Variants in PRPH2 observed in about 807,000 individuals in gnomAD.
The protein encoded by PRPH2 is peripherin-2.
In PRPH2, 17 loss-of-function variants were observed where a neutral mutation model predicts 31.3. That is an observed-to-expected ratio of 0.54 (90% CI 0.37 to 0.81). The LOEUF (loss-of-function observed/expected upper bound fraction) is 0.81, where lower values mean the gene tolerates loss of function less well. PRPH2 is among the 40% of genes least tolerant of loss of function. The pLI is 0.00. For synonymous variants in PRPH2, 165 were observed against 184.4 expected, an observed-to-expected ratio of 0.89 and a Z score of 0.85; for missense variants, 430 against 439.7, an observed-to-expected ratio of 0.98 and a Z score of 0.20.
At chr6:42,719,059 CAGAGAG>C (rs1374933965) in intron 1 of PRPH2, among the ~76,000 whole-genome samples, 2 of 152,108 alleles carry the variant, frequency 1.3e-5, no homozygotes, top group Admixed American at 6.5e-5. Context: ...AAGACAGAGA[CAGAGAG>C]AAGCAAAATG....
At chr6:42,715,678 A>G (rs1761764127) in intron 1 of PRPH2, among the ~76,000 whole-genome samples, 1 of 152,204 alleles carries the variant, frequency 6.6e-6, no homozygotes, top group African/African-American at 2.4e-5. Context: ...TTCAAAAAAC[A>G]AAACAAAACA....
chr6:42,704,232 C>G, intron 2 of PRPH2, 133 bp downstream of exon 2: 1 of 1,215,222 alleles, frequency 8.2e-7, no homozygotes, highest in Non-Finnish European at 1.2e-6. Flanking sequence ...CCAGACTGAT[C>G]TGACCCACAG....
At chr6:42,698,600 CAG>C in intron 2 of PRPH2, 93 bp from the exon 3 acceptor site, 2 of 1,545,370 alleles carry the variant, frequency 1.3e-6, no homozygotes, top group Non-Finnish European at 1.8e-6. Context: ...TTGAGGGTCC[CAG>C]AGAGGACTCA....
In PRPH2 at chr6:42,697,957, T is replaced by G. The variant is rs939358214; in HGVS notation, c.*338A>C. ...AGCCCTCAGATACGGCCAGTGGCCA[T>G]AGGGTGGGACTAAATCCGTGTGAGA... On this transcript the variant is annotated 3_prime_UTR_variant, in exon 3 of 3. Transcript: ENST00000230381. 6.3e-6 allele frequency: 2 copies of G among 318,762 alleles called. No individual in the cohort carries two copies. Among genetic ancestry groups the G allele is most frequent in the African/African-American group, 2.1e-5 (1 of 47,482 alleles). The allele number at this position is 318,762 out of a possible 1,614,324, so 19.7% of individuals were successfully genotyped here.
intron 1 of PRPH2, among the ~76,000 whole-genome samples, chr6:42,707,735 T>C (rs1356273827): frequency 2.6e-5 from 4 of 152,170 alleles, no homozygotes; most frequent in African/African-American, 4.8e-5. Flanking sequence ...TAAGACTTTC[T>C]AGAAGGGCTG....
chr6:42,704,532 G>C lies in PRPH2; in HGVS notation c.661C>G (p.Pro221Ala). The change falls in exon 2 of 3, where the codon CCC becomes GCC. Residue 221 changes from proline to alanine, a missense_variant. Coordinates refer to ENST00000230381, the MANE Select transcript of PRPH2 (RefSeq NM_000322.5). ...FSCCNPSSPRPCIQYQITNNS... is the reference protein window; with the variant it reads ...FSCCNPSSPRACIQYQITNNS... ...TTGGTGATCTGATACTGGATGCAGG[G>C]CCGTGGCGAGCTAGGATTGCAGCAG... 1 of 1,614,204 alleles carries C rather than the reference G, an allele frequency of 6.2e-7. No homozygotes were observed. The highest frequency in any genetic ancestry group is 1.1e-5 in the South Asian group (1 of 91,080).
intron 1 of PRPH2, among the ~76,000 whole-genome samples, chr6:42,706,148 G>C (rs1800159756): frequency 6.6e-6 from 1 of 151,824 alleles, no homozygotes; most frequent in Non-Finnish European, 1.5e-5. Context: ...GCTCAAGCCT[G>C]TAATCCCAGC....
At chr6:42,719,649 C>T (rs1245229674) in intron 1 of PRPH2, among the ~76,000 whole-genome samples, 1 of 147,996 alleles carries the variant, frequency 6.8e-6, no homozygotes, top group Non-Finnish European at 1.5e-5. Flanking sequence ...CAGCTCACCA[C>T]AATCTCTGCC....
At chr6:42,711,560 G>GA (rs1761644943) in intron 1 of PRPH2, among the ~76,000 whole-genome samples, 1 of 95,086 alleles carries the variant, frequency 1.1e-5, no homozygotes, top group African/African-American at 4.7e-5. Flanking sequence ...GCCCCGGTCT[G>GA]AGGGGGACAC....
In PRPH2 at chr6:42,703,259, C is replaced by G. The variant is rs566238868; in HGVS notation, c.828+1106G>C. On this transcript the variant is annotated intron_variant, in intron 2 of 2. Coordinates refer to ENST00000230381, the MANE Select transcript of PRPH2 (RefSeq NM_000322.5). ...AAATAAAAAATGAATATCTCTTTAA[C>G]CAAAGAGCGAATTCAGCACACTCAC... Among the ~76,000 whole-genome samples, 21 of 152,182 alleles carry G rather than the reference C, an allele frequency of 1.4e-4. No individual in the cohort carries two copies. The South Asian group carries it at 4.0e-3, about 29-fold the overall frequency.
At chr6:42,700,377 A>G (rs144588545) in intron 2 of PRPH2, among the ~76,000 whole-genome samples, 9 of 152,248 alleles carry the variant, frequency 5.9e-5, no homozygotes, top group African/African-American at 1.7e-4. Flanking sequence ...CTACAAGAGG[A>G]TGAAGCTGCT....
In PRPH2 at chr6:42,698,327, C is replaced by G. The variant is rs955930526; in HGVS notation, c.1009G>C (p.Ala337Pro). The G allele has an allele frequency of 1.2e-6, 2 of 1,613,856 alleles. No individual in the cohort carries two copies. Among genetic ancestry groups the G allele is most frequent in the African/African-American group, 1.3e-5 (1 of 74,932 alleles). ...GKGNQVEAEG[A>P]DAGQAPEAG ...GCCTCTGGGGCCTGGCCTGCGTCTG[C>G]GCCCTCGGCTTCCACCTGGTTGCCC... Residue 337 changes from alanine to proline, a missense_variant, in exon 3 of 3, where the codon GCA (alanine) becomes CCA (proline). By Grantham distance (27) the Ala-to-Pro change is conservative. Transcript: ENST00000230381.
chr6:42,715,702 T>C (rs911290261), intron 1 of PRPH2, among the ~76,000 whole-genome samples: 3 of 152,092 alleles, frequency 2.0e-5, no homozygotes, highest in Middle Eastern at 3.4e-3. Flanking sequence ...CAAAAAACTC[T>C]TGTAAATTCC....
At chr6:42,715,462 G>A (rs1461007589) in intron 1 of PRPH2, among the ~76,000 whole-genome samples, 1 of 152,028 alleles carries the variant, frequency 6.6e-6, no homozygotes, top group African/African-American at 2.4e-5. Flanking sequence ...CTTGAGGTCA[G>A]AAGTTCGAGG....
chr6:42,708,392 C>T (rs986177990), intron 1 of PRPH2, among the ~76,000 whole-genome samples: 2 of 152,230 alleles, frequency 1.3e-5, no homozygotes, highest in Non-Finnish European at 2.9e-5. Context: ...AGCTGTCCTT[C>T]TGCAGCCCCT....
rs1554269604 is a variant in PRPH2 at position 42,709,345 on chromosome 6, A to AAAAAC, written c.582-4735_582-4734insGTTTT. Among the ~76,000 whole-genome samples, 358 of 89,090 alleles carry AAAAAC rather than the reference A, an allele frequency of 4.0e-3. 7 individuals carry two copies. Among genetic ancestry groups the AAAAAC allele is most frequent in the African/African-American group, 9.4e-3 (288 of 30,706 alleles). 58.4% of individuals were successfully genotyped at this position (89,090 alleles called of 152,430 possible). On this transcript the variant is annotated intron_variant, in intron 1 of 2. Transcript: ENST00000230381. ...ACTCTGTCTCAAATTAAAAAAAAAA[A>AAAAAC]AAAAAAAAAACTTGGGTCCAGCCCA...
rs145765747 is a variant in PRPH2, at chr6:42,716,612, GTT to G, written c.581+5140_581+5141del. Among the ~76,000 whole-genome samples, 130 of 111,558 alleles carry G rather than the reference GTT, an allele frequency of 1.2e-3. 3 individuals carry two copies. Among genetic ancestry groups the G allele is most frequent in the Middle Eastern group, 5.2e-3 (1 of 194 alleles). The allele number at this position is 111,558 out of a possible 152,430, so 73.2% of individuals were successfully genotyped here. A position where few individuals can be genotyped will look rare whatever the true frequency, so the allele number is the denominator to read the frequency against. ...TTTTTTGTTTGGTTTGGTTTGGTTG[GTT>G]TTTTTTTTTTTTTTTTTTTTTTTGA... On this transcript the variant is annotated intron_variant, in intron 1 of 2. Coordinates refer to ENST00000230381, the MANE Select transcript of PRPH2 (RefSeq NM_000322.5).
chr6:42,722,552 G>C lies in PRPH2; in HGVS notation c.-218C>G, dbSNP rs1173416815. 6.3e-6 allele frequency: 9 copies of C among 1,434,664 alleles called. No homozygotes were observed. In the African/African-American group the frequency reaches 1.1e-4, roughly 18 times the overall value. 88.9% of individuals were successfully genotyped at this position (1,434,664 alleles called of 1,614,324 possible). On this transcript the variant is annotated 5_prime_UTR_variant, in exon 1 of 3. In the 5' UTR this introduces an upstream ATG that the reference lacks. Transcript: ENST00000230381. This position sits in a 1 kb window ranked among gnomAD's most constrained non-coding sequence, Gnocchi z 4.4. Reference sequence around the variant, plus strand: ...TCTCGGAATCACAGCTTGAGCAGGGGATAGTCCTGGTCCTGGGCGTTGTTT... The same window carrying C: ...TCTCGGAATCACAGCTTGAGCAGGGCATAGTCCTGGTCCTGGGCGTTGTTT...
chr6:42,718,852 T>G (rs1233536680), intron 1 of PRPH2, among the ~76,000 whole-genome samples: 1 of 151,626 alleles, frequency 6.6e-6, no homozygotes, highest in Non-Finnish European at 1.5e-5. Flanking sequence ...TTTTTAAGAG[T>G]CAGGGTTTCA....
Sources: allele counts gnomAD v4.1 joint callset (sites outside exome capture counted in the v4.1 genomes callset), GRCh38; gene constraint gnomAD v4.1.1; non-coding constraint Gnocchi (gnomAD v3.1); transcripts MANE v1.5; gene names NCBI Gene and HGNC (gene_info 2026-07-23, HGNC 2026-07-21).